The following CACNG2 variants were observed in gnomAD, a reference collection of about 807,000 sequenced individuals.
CACNG2 encodes voltage-dependent calcium channel gamma-2 subunit.
In CACNG2, 3 loss-of-function variants were observed where a neutral mutation model predicts 25.9. That is an observed-to-expected ratio of 0.12 (90% confidence interval 0.05 to 0.30). CACNG2 has a LOEUF of 0.30. CACNG2 is among the 10% of genes least tolerant of loss of function. The pLI, the probability that CACNG2 is intolerant of heterozygous loss-of-function variation, is 1.00. For missense variants in CACNG2, 341 were observed against 432.5 expected, an observed-to-expected ratio of 0.79 and a Z score of 1.88; for synonymous variants, 167 against 173.3, an observed-to-expected ratio of 0.96 and a Z score of 0.29.
At chr22:36,650,614 C>A (rs956613798) in intron 1 of CACNG2, among the ~76,000 whole-genome samples, 12 of 152,156 alleles carry the variant, frequency 7.9e-5, no homozygotes, top group African/African-American at 2.9e-4. Context: ...TGGGCACAAG[C>A]AATCCTCCCA....
At chr22:36,629,590 C>A (rs980489344) in intron 1 of CACNG2, among the ~76,000 whole-genome samples, 8 of 151,510 alleles carry the variant, frequency 5.3e-5, no homozygotes, top group African/African-American at 1.7e-4. Flanking sequence ...GATCAGCAGA[C>A]CTGAACTTGA....
At chr22:36,656,269 T>C (rs981078745) in intron 1 of CACNG2, among the ~76,000 whole-genome samples, 6 of 152,198 alleles carry the variant, frequency 3.9e-5, no homozygotes, top group African/African-American at 1.4e-4. Context: ...ATTGGGCCCT[T>C]GCAGTTATGG....
intron 1 of CACNG2, among the ~76,000 whole-genome samples, chr22:36,603,965 T>C (rs1055941820): frequency 6.6e-6 from 1 of 152,226 alleles, no homozygotes; most frequent in Non-Finnish European, 1.5e-5. Flanking sequence ...CATAAGGCTA[T>C]AGCTGCCAGA....
chr22:36,692,892 T>G (rs2146016228), intron 1 of CACNG2, among the ~76,000 whole-genome samples: 1 of 152,276 alleles, frequency 6.6e-6, no homozygotes, highest in African/African-American at 2.4e-5. Flanking sequence ...ATGCCTATAA[T>G]CCCAGCACTT....
intron 1 of CACNG2, among the ~76,000 whole-genome samples, chr22:36,636,310 C>G (rs1393979230): frequency 6.6e-6 from 1 of 152,166 alleles, no homozygotes. Context: ...CCCCAACCCC[C>G]AAATGCGCCA....
At position 36,615,052 on chromosome 22, in the gene CACNG2, C is replaced by T. The variant is rs536268859; in HGVS notation, c.212-27504G>A. Among the ~76,000 whole-genome samples the T allele has an allele frequency of 7.2e-5, 11 of 152,328 alleles. No homozygotes were observed. The South Asian group carries it at 1.0e-3, about 14-fold the overall frequency. On this transcript the variant is annotated intron_variant, in intron 1 of 3. Transcript: ENST00000300105. ...CTAGCAGAGGTCTGCTCTTGGAGAA[C>T]GGACTATGTGTATTTTGTTCACAAT... is the stretch of plus-strand genomic sequence containing the variant.
chr22:36,587,175 G>A (rs1488013037), intron 2 of CACNG2, among the ~76,000 whole-genome samples: 2 of 152,092 alleles, frequency 1.3e-5, no homozygotes, highest in Non-Finnish European at 2.9e-5. Context: ...CGTCCTCTAG[G>A]AACTCATGCA....
intron 1 of CACNG2, among the ~76,000 whole-genome samples, chr22:36,624,645 G>A (rs1936156505): frequency 1.3e-5 from 2 of 152,062 alleles, no homozygotes; most frequent in African/African-American, 2.4e-5. Flanking sequence ...TTTGGGAAAG[G>A]TCTAATGAAC....
chr22:36,624,181 G>T (rs1161740841), intron 1 of CACNG2, among the ~76,000 whole-genome samples: 1 of 152,222 alleles, frequency 6.6e-6, no homozygotes, highest in East Asian at 1.9e-4. Flanking sequence ...AAATCATGCA[G>T]CACCAGCAAA....
intron 1 of CACNG2, among the ~76,000 whole-genome samples, chr22:36,656,446 G>A (rs892514917): frequency 6.6e-6 from 1 of 152,016 alleles, no homozygotes; most frequent in Non-Finnish European, 1.5e-5. Flanking sequence ...CACACAGCCC[G>A]AATCCAACCA....
intron 1 of CACNG2, among the ~76,000 whole-genome samples, chr22:36,665,005 G>A (rs1936855229): frequency 6.6e-6 from 1 of 152,180 alleles, no homozygotes; most frequent in African/African-American, 2.4e-5. Flanking sequence ...GAGAGTGGGA[G>A]GGCCTGCTAG....
chr22:36,661,990 T>C, intron 1 of CACNG2, among the ~76,000 whole-genome samples: 1 of 118,406 alleles, frequency 8.4e-6, no homozygotes, highest in African/African-American at 4.7e-5. Flanking sequence ...TTTTTTTTTT[T>C]TTTTTTTCAG....
chr22:36,586,922 C>G (rs1427786579), intron 2 of CACNG2, among the ~76,000 whole-genome samples: 2 of 144,974 alleles, frequency 1.4e-5, no homozygotes, highest in African/African-American at 5.2e-5. Flanking sequence ...TTAACTTTGA[C>G]TTACTTGACT....
At chr22:36,687,132 C>G (rs557504865) in intron 1 of CACNG2, among the ~76,000 whole-genome samples, 1 of 152,290 alleles carries the variant, frequency 6.6e-6, no homozygotes, top group Admixed American at 6.5e-5. Flanking sequence ...GCTCTGGCAG[C>G]CCTACTTGAC....
At chr22:36,628,635 T>C (rs1936221359) in intron 1 of CACNG2, among the ~76,000 whole-genome samples, 1 of 152,160 alleles carries the variant, frequency 6.6e-6, no homozygotes, top group Admixed American at 6.5e-5. Flanking sequence ...TGCCATATAA[T>C]AAATGTCCTC....
chr22:36,644,451 G>A (rs561456288), intron 1 of CACNG2, among the ~76,000 whole-genome samples: 90 of 152,232 alleles, frequency 5.9e-4, no homozygotes, highest in Middle Eastern at 6.8e-3. Flanking sequence ...AAGCAAGTGG[G>A]GCTTATTTTT....
intron 1 of CACNG2, among the ~76,000 whole-genome samples, chr22:36,594,606 G>A (rs1935644054): frequency 6.6e-6 from 1 of 152,196 alleles, no homozygotes; most frequent in South Asian, 2.1e-4. Context: ...GGCCTCCTGA[G>A]GAGGAGCAGG....
chr22:36,632,490 CT>C (rs1448693387), intron 1 of CACNG2, among the ~76,000 whole-genome samples: 172 of 151,948 alleles, frequency 1.1e-3, no homozygotes, highest in Non-Finnish European at 2.1e-3. Context: ...CTCTCTCTCT[CT>C]CTCTCAATCC....
intron 1 of CACNG2, among the ~76,000 whole-genome samples, chr22:36,608,425 T>G (rs1052378938): frequency 6.6e-5 from 10 of 152,230 alleles, no homozygotes; most frequent in African/African-American, 2.2e-4. Flanking sequence ...CGGAATTGCA[T>G]CGAGGACAGG....
Sources: gnomAD v4.1 joint callset for allele counts (sites outside exome capture counted in the v4.1 genomes callset) on GRCh38, gnomAD v4.1.1 for gene constraint, MANE v1.5 for transcripts, NCBI Gene and HGNC (gene_info 2026-07-23, HGNC 2026-07-21) for gene names.